The following PCDH15 variants were observed in gnomAD, a reference collection of about 807,000 sequenced individuals.
PCDH15 encodes the protein protocadherin-15.
Under a neutral mutation model 178.5 loss-of-function variants are expected in PCDH15, and 129 were observed. That is an observed-to-expected ratio of 0.72 (90% CI 0.63 to 0.84). PCDH15 has a LOEUF of 0.84. PCDH15 is among the 40% of genes least tolerant of loss of function. The pLI, the probability that PCDH15 is intolerant of heterozygous loss-of-function variation, is 0.00. For synonymous variants in PCDH15, 800 were observed against 732.0 expected (o/e 1.09, Z -1.50); for missense variants, 2,230 against 2,099.9 (o/e 1.06, Z -1.21).
At chr10:54,133,614 CT>C (rs1330128052) in intron 14 of PCDH15, among the ~76,000 whole-genome samples, 1 of 151,986 alleles carries the variant, frequency 6.6e-6, no homozygotes, top group Non-Finnish European at 1.5e-5. Flanking sequence ...TAATAAAGCC[CT>C]TATAATGACA....
Position 55,623,717 on chromosome 10 carries a change from G to A in PCDH15, c.-156+3908C>T, listed in dbSNP as rs374192536. On this transcript the variant is annotated intron_variant, in intron 2 of 5. Transcript: ENST00000613346. ...GAGAAGAGAAAAGATAGGAGTGGTG[G>A]CTACTAGATCCTCTTGGGGGATTAT... Among the ~76,000 whole-genome samples the A allele has an allele frequency of 2.7e-5, 4 of 150,388 alleles. No individual in the cohort carries two copies. In the South Asian group the frequency reaches 8.5e-4, roughly 32 times the overall value.
chr10:55,108,941 C>T (rs1837427443), intron 2 of PCDH15, among the ~76,000 whole-genome samples: 1 of 152,104 alleles, frequency 6.6e-6, no homozygotes, highest in Admixed American at 6.5e-5. Flanking sequence ...AAATGATGAT[C>T]CCCACGTTCA....
intron 23 of PCDH15, among the ~76,000 whole-genome samples, chr10:53,953,107 A>G (rs2087245657): frequency 6.6e-6 from 1 of 152,236 alleles, no homozygotes; most frequent in Non-Finnish European, 1.5e-5. Context: ...GACTCTGCAG[A>G]GTGCATAGCC....
intron 3 of PCDH15, among the ~76,000 whole-genome samples, chr10:54,496,178 G>T (rs372864760): frequency 6.6e-6 from 1 of 151,916 alleles, no homozygotes; most frequent in South Asian, 2.1e-4. Context: ...TTCTTCACTA[G>T]TATTACTTCA....
chr10:55,130,314 G>C (rs952560136), intron 2 of PCDH15, among the ~76,000 whole-genome samples: 7 of 152,138 alleles, frequency 4.6e-5, no homozygotes, highest in Non-Finnish European at 1.0e-4. Context: ...TGGGGAGGAA[G>C]AGTCAAGGCC....
At chr10:54,878,141 T>C (rs1954186921) in intron 3 of PCDH15, among the ~76,000 whole-genome samples, 2 of 151,826 alleles carry the variant, frequency 1.3e-5, no homozygotes, top group Admixed American at 1.3e-4. Context: ...TTTTGTGTTT[T>C]TAGTAGAGAC....
intron 26 of PCDH15, among the ~76,000 whole-genome samples, chr10:53,870,090 T>C (rs1411517400): frequency 6.6e-6 from 1 of 152,202 alleles, no homozygotes; most frequent in African/African-American, 2.4e-5. Flanking sequence ...ATTAAGCTAC[T>C]TTACACAGTT....
intron 2 of PCDH15, among the ~76,000 whole-genome samples, chr10:54,637,120 A>G (rs1415050977): frequency 1.4e-5 from 2 of 147,498 alleles, no homozygotes; most frequent in South Asian, 2.1e-4. Flanking sequence ...CTAAGAATCA[A>G]TCTTCAAAAA....
chr10:54,460,775 G>A (rs898662891), intron 3 of PCDH15, among the ~76,000 whole-genome samples: 2 of 152,116 alleles, frequency 1.3e-5, no homozygotes, highest in South Asian at 2.1e-4. Flanking sequence ...ATATTTTATC[G>A]AGGTAGCGAG....
intron 15 of PCDH15, among the ~76,000 whole-genome samples, chr10:54,092,236 A>G (rs150513357): frequency 6.6e-5 from 10 of 152,216 alleles, no homozygotes; most frequent in Non-Finnish European, 1.2e-4. Flanking sequence ...TTTACCTAAA[A>G]TATCTGCTGT....
chr10:54,105,468 G>A (rs1043995946), intron 15 of PCDH15, among the ~76,000 whole-genome samples: 6 of 151,940 alleles, frequency 3.9e-5, no homozygotes, highest in Non-Finnish European at 8.8e-5. Context: ...AATTCAGTCT[G>A]AGTCCCAAAG....
At chr10:55,620,458 T>C (rs1589192233) in intron 2 of PCDH15, among the ~76,000 whole-genome samples, 1 of 152,082 alleles carries the variant, frequency 6.6e-6, no homozygotes, top group African/African-American at 2.4e-5. Flanking sequence ...AAGTATTTAC[T>C]CTTTTTTTAG....
rs556730169 is a variant in PCDH15 at position 54,367,475 on chromosome 10, G to C, written c.474+1645C>G. 9.2e-5 allele frequency among the ~76,000 whole-genome samples: 14 copies of C among 152,162 alleles called. No homozygotes were observed. The South Asian group carries it at 2.9e-3, about 32-fold the overall frequency. On this transcript the variant is annotated intron_variant, in intron 5 of 37. Coordinates refer to ENST00000644397, the MANE Select transcript of PCDH15 (RefSeq NM_001384140.1). ...GAACATTATAAATTTCTGAAAGAAG[G>C]ATGAACTATGAAGAGGGATCCAGGG...
At chr10:54,934,071 T>C (rs559780834) in intron 2 of PCDH15, among the ~76,000 whole-genome samples, 13 of 152,296 alleles carry the variant, frequency 8.5e-5, no homozygotes, top group Admixed American at 2.0e-4. Context: ...AATAACGTCA[T>C]GTATATAAAC....
intron 3 of PCDH15, among the ~76,000 whole-genome samples, chr10:54,896,178 C>A (rs557097164): frequency 2.0e-5 from 3 of 152,182 alleles, no homozygotes; most frequent in African/African-American, 7.2e-5. Context: ...AGCCACCACG[C>A]CCAGGAGTAC....
At chr10:53,974,103 C>T (rs1431956670) in intron 21 of PCDH15, among the ~76,000 whole-genome samples, 1 of 152,110 alleles carries the variant, frequency 6.6e-6, no homozygotes, top group Admixed American at 6.6e-5. Context: ...CTGCAACCTC[C>T]GCCTCCCAGG....
intron 23 of PCDH15, among the ~76,000 whole-genome samples, chr10:53,949,750 T>A (rs1023233205): frequency 7.9e-5 from 12 of 152,088 alleles, no homozygotes; most frequent in African/African-American, 2.9e-4. Flanking sequence ...ATGATGGCTA[T>A]GTTCCTCAAC....
At chr10:54,758,414 C>T (rs569192528) in intron 1 of PCDH15, among the ~76,000 whole-genome samples, 10 of 152,218 alleles carry the variant, frequency 6.6e-5, no homozygotes, top group South Asian at 6.2e-4. Flanking sequence ...GTGTTGCTGA[C>T]GCTTTTTGGA....
At chr10:55,359,273 A>G (rs1482677766) in intron 2 of PCDH15, among the ~76,000 whole-genome samples, 2 of 152,040 alleles carry the variant, frequency 1.3e-5, no homozygotes, top group African/African-American at 4.8e-5. Flanking sequence ...AATAGTCAAT[A>G]TATCCATTAC....
Sources: gnomAD v4.1 joint callset for allele counts (sites outside exome capture counted in the v4.1 genomes callset) on GRCh38, gnomAD v4.1.1 for gene constraint, MANE v1.5 for transcripts, NCBI Gene and HGNC (gene_info 2026-07-23, HGNC 2026-07-21) for gene names.